The following NUP62 variants were observed in gnomAD, a reference collection of about 807,000 sequenced individuals.
NUP62 encodes nucleoporin 62.
For synonymous variants in NUP62, 305 were observed against 303.4 expected (o/e 1.01, Z -0.05); for missense variants, 647 against 689.4 (o/e 0.94, Z 0.69).
intron 2 of NUP62, among the ~76,000 whole-genome samples, chr19:49,927,101 T>G (rs951136364): frequency 1.3e-5 from 2 of 152,080 alleles, no homozygotes; most frequent in African/African-American, 4.8e-5. Context: ...GATCAAGCAA[T>G]CTGCCCACCT....
chr19:49,913,534 C>T (rs979602241), intron 2 of NUP62, among the ~76,000 whole-genome samples: 6 of 152,158 alleles, frequency 3.9e-5, no homozygotes, highest in South Asian at 2.1e-4. Flanking sequence ...CAACCCGGGC[C>T]GCCACTGCTC....
intron 2 of NUP62, among the ~76,000 whole-genome samples, chr19:49,924,374 C>CG (rs902803544): frequency 4.6e-5 from 7 of 152,040 alleles, no homozygotes; most frequent in Non-Finnish European, 1.0e-4. Flanking sequence ...TCTTGCTGTG[C>CG]GGGGGTTCTC....
At chr19:49,914,631 T>C (rs1020317734) in intron 2 of NUP62, among the ~76,000 whole-genome samples, 3 of 151,456 alleles carry the variant, frequency 2.0e-5, no homozygotes, top group Admixed American at 2.0e-4. Context: ...CCCACCCCCA[T>C]CTGTGAGAAC....
chr19:49,910,681 C>A (rs1351195045), intron 2 of NUP62, among the ~76,000 whole-genome samples: 2 of 146,464 alleles, frequency 1.4e-5, no homozygotes, highest in Non-Finnish European at 3.0e-5. Context: ...GACACTGGGA[C>A]ATCACGGGAG....
At chr19:49,910,253 C>T (rs906874851) in intron 2 of NUP62, among the ~76,000 whole-genome samples, 5 of 152,034 alleles carry the variant, frequency 3.3e-5, no homozygotes, top group African/African-American at 4.8e-5. Context: ...CTGCTCCCAG[C>T]GTGGGACCCA....
intron 2 of NUP62, among the ~76,000 whole-genome samples, chr19:49,926,675 T>C (rs2075899023): frequency 6.6e-6 from 1 of 152,240 alleles, no homozygotes; most frequent in Non-Finnish European, 1.5e-5. Context: ...CAGTCTACCC[T>C]TAATTCCATC....
rs1314940323 is a variant in NUP62, at chr19:49,921,289, G to T, written c.-78+6405C>A. On this transcript the variant is annotated intron_variant, in intron 2 of 2. Transcript: ENST00000352066. This position sits in a 1 kb window ranked among gnomAD's most constrained non-coding sequence, Gnocchi z 5.4. ...CCAGTAAGGGCTGGCCCAGGTGTCT[G>T]GCCCCACAGCTGAGCTCCTAACCGC... Among the ~76,000 whole-genome samples the T allele has an allele frequency of 2.0e-5, 3 of 152,078 alleles. No individual in the cohort carries two copies. Among genetic ancestry groups the T allele is most frequent in the African/African-American group, 7.2e-5 (3 of 41,392 alleles).
intron 2 of NUP62, among the ~76,000 whole-genome samples, chr19:49,923,269 C>T (rs1185083903): frequency 3.3e-5 from 5 of 152,202 alleles, no homozygotes; most frequent in Admixed American, 6.5e-5. Context: ...CCTTCAACCC[C>T]GGCACCCCTG....
intron 2 of NUP62, among the ~76,000 whole-genome samples, chr19:49,925,032 C>T (rs1600562642): frequency 6.6e-6 from 1 of 152,114 alleles, no homozygotes; most frequent in African/African-American, 2.4e-5. Flanking sequence ...GAGGCTGAGG[C>T]GGGTGGATCG....
chr19:49,909,050 G>C lies in NUP62; in HGVS notation c.758C>G (p.Thr253Arg), dbSNP rs745977545. 6.2e-7 allele frequency: 1 copy of C among 1,613,158 alleles called. No homozygotes were observed. The highest frequency in any genetic ancestry group is 1.1e-5 in the South Asian group (1 of 91,064). The change falls in exon 3 of 3, where the codon ACA (threonine) becomes AGA (arginine). Residue 253 changes from threonine to arginine, a missense_variant. Coordinates refer to ENST00000352066, the MANE Select transcript of NUP62 (RefSeq NM_016553.5). Reference protein sequence around the residue: ...VTTAGAPTAGTQGFSLKAPGA... With the variant: ...VTTAGAPTAGRQGFSLKAPGA... ...AGGTGCCTTTAAGCTGAAGCCCTGT[G>C]TCCCAGCAGTGGGGGCGCCCGCTGT...
chr19:49,926,528 T>G (rs551899187), intron 2 of NUP62, among the ~76,000 whole-genome samples: 28 of 139,794 alleles, frequency 2.0e-4, no homozygotes, highest in African/African-American at 6.6e-4. Flanking sequence ...AGACTCTGTC[T>G]CAAAAAAACC....
Position 49,907,814 on chromosome 19 carries a change from G to A in NUP62, c.*425C>T, listed in dbSNP as rs1002113969. The A allele has an allele frequency of 1.2e-5, 4 of 334,950 alleles. No homozygotes were observed. The highest frequency in any genetic ancestry group is 2.3e-5 in the Non-Finnish European group (4 of 174,838). The allele number at this position is 334,950 out of a possible 1,614,324, so 20.7% of individuals were successfully genotyped here. On this transcript the variant is annotated 3_prime_UTR_variant, in exon 3 of 3. Coordinates refer to ENST00000352066, the MANE Select transcript of NUP62 (RefSeq NM_016553.5). ...GCCACCCAAAGTGCTGAGATTACAG[G>A]GGTGAGCCACTGCGCCCTGACTTGG...
chr19:49,908,131 A>C lies in NUP62; in HGVS notation c.*108T>G. 1 of 1,524,650 alleles carries C rather than the reference A, an allele frequency of 6.6e-7. No homozygotes were observed. The highest frequency in any genetic ancestry group is 8.8e-7 in the Non-Finnish European group (1 of 1,139,054). 94.4% of individuals were successfully genotyped at this position (1,524,650 alleles called of 1,614,324 possible). On this transcript the variant is annotated 3_prime_UTR_variant, in exon 3 of 3. Coordinates refer to ENST00000352066, the MANE Select transcript of NUP62 (RefSeq NM_016553.5). ...CATGTCAAGGGCAGTCATGTGAAAG[A>C]AAGAAACAAACAAACAAGTATCTTG...
chr19:49,914,608 C>T (rs2075570248), intron 2 of NUP62, among the ~76,000 whole-genome samples: 1 of 151,892 alleles, frequency 6.6e-6, no homozygotes, highest in Admixed American at 6.6e-5. Flanking sequence ...CATCTGAATT[C>T]AGGTGGGCAT....
Position 49,908,685 on chromosome 19 carries a change from G to C in NUP62, c.1123C>G (p.Leu375Val). Residue 375 changes from leucine to valine, a missense_variant, in exon 3 of 3, where the codon CTG (leucine) becomes GTG (valine). By Grantham distance (32) the Leu-to-Val change is conservative. Coordinates refer to ENST00000352066, the MANE Select transcript of NUP62 (RefSeq NM_016553.5). ...LIENGEKITS[L>V]HREVEKVKLD... ...TTCACCTTCTCCACCTCGCGGTGCA[G>C]GCTGGTGATCTTTTCTCCATTCTCG... 1 of 1,612,148 alleles carries C rather than the reference G, an allele frequency of 6.2e-7. No individual in the cohort carries two copies. The highest frequency in any genetic ancestry group is 8.5e-7 in the Non-Finnish European group (1 of 1,180,024).
chr19:49,914,188 T>C (rs967528797), intron 2 of NUP62, among the ~76,000 whole-genome samples: 1 of 152,154 alleles, frequency 6.6e-6, no homozygotes, highest in Non-Finnish European at 1.5e-5. Flanking sequence ...ATACTAGAAC[T>C]TGGGAAGTTT....
At position 49,909,207 on chromosome 19, in the gene NUP62, C is replaced by T; in HGVS notation, c.601G>A (p.Gly201Ser). The T allele has an allele frequency of 6.2e-7, 1 of 1,614,098 alleles. No homozygotes were observed. Among genetic ancestry groups the T allele is most frequent in the Non-Finnish European group, 8.5e-7 (1 of 1,180,032 alleles). The part of the protein sequence containing the change: ...TPATPAATTA[G>S]ATQPAAPTPT... The stretch of plus-strand genomic sequence containing the variant: ...GTGGGAGCAGCTGGCTGTGTGGCAC[C>T]TGCTGTGGTGGCTGCTGGCGTGGCC... Residue 201 changes from glycine (G) to serine (S), a missense_variant, in exon 3 of 3, where the codon GGT becomes AGT. Gly to Ser is a moderately conservative substitution (Grantham distance 56, BLOSUM62 0). Transcript: ENST00000352066.
rs1323597062 is a variant in NUP62, at chr19:49,909,561, A to G, written c.247T>C (p.Ser83Pro). 4.3e-6 allele frequency: 7 copies of G among 1,614,082 alleles called. No individual in the cohort carries two copies. The highest frequency in any genetic ancestry group is 1.7e-5 in the Admixed American group (1 of 60,008). Residue 83 changes from serine to proline, a missense_variant, in exon 3 of 3, where the codon TCG (serine) becomes CCG (proline). Ser to Pro is a moderately conservative substitution (Grantham distance 74). Coordinates refer to ENST00000352066, the MANE Select transcript of NUP62 (RefSeq NM_016553.5). ...GFTFGTATLA[S>P]GGTGFSLGIG... Reference sequence around the variant, plus strand: ...CCCAAAGAAAATCCAGTTCCCCCCGAAGCAAGAGTCGCTGTTCCAAAAGTG... The same window carrying G: ...CCCAAAGAAAATCCAGTTCCCCCCGGAGCAAGAGTCGCTGTTCCAAAAGTG...
chr19:49,911,706 G>A (rs894947527), intron 2 of NUP62, among the ~76,000 whole-genome samples: 2 of 152,318 alleles, frequency 1.3e-5, no homozygotes, highest in South Asian at 2.1e-4. Flanking sequence ...CTCAATGGGC[G>A]TCCATCACTA....
Sources: allele counts gnomAD v4.1 joint callset (sites outside exome capture counted in the v4.1 genomes callset), GRCh38; gene constraint gnomAD v4.1.1; non-coding constraint Gnocchi (gnomAD v3.1); transcripts MANE v1.5; gene names NCBI Gene and HGNC (gene_info 2026-07-23, HGNC 2026-07-21).